IFT88: variants seen among roughly 807,000 people sequenced by gnomAD.
IFT88 encodes intraflagellar transport 88.
A neutral mutation model predicts 119.5 loss-of-function variants in IFT88; 74 were observed. The ratio of observed to expected loss-of-function variants is 0.62; its 90% CI spans 0.51 to 0.75. The LOEUF (loss-of-function observed/expected upper bound fraction) is 0.75. Among genes scored for constraint, IFT88 ranks in the 30% least tolerant of loss-of-function variants. The pLI, the probability that IFT88 is intolerant of heterozygous loss-of-function variation, is 0.00. For missense variants in IFT88, 961 were observed against 977.7 expected (o/e 0.98, Z 0.23); for synonymous variants, 279 against 316.7 (o/e 0.88, Z 1.26).
At chr13:20,624,326 G>T (rs2497483) in intron 14 of IFT88, among the ~76,000 whole-genome samples, 138,060 of 152,110 alleles carry the variant, frequency 0.91, 62,808 homozygotes, top group East Asian at 1. Context: ...GCATGGAGCT[G>T]CCATTTCCTC....
In IFT88 at chr13:20,623,516, C is replaced by G. The variant is rs917822991; in HGVS notation, c.1200-2234C>G. 1.6e-4 allele frequency among the ~76,000 whole-genome samples: 24 copies of G among 152,238 alleles called. No individual in the cohort carries two copies. In the East Asian group the frequency reaches 4.6e-3, roughly 29 times the overall value. Reference sequence around the variant, plus strand: ...TTGAGATGGAGTTTTGCTCTGTCGCCCAGGCTGGAGTGAAGTGTCGTGATC... The same window carrying G: ...TTGAGATGGAGTTTTGCTCTGTCGCGCAGGCTGGAGTGAAGTGTCGTGATC... On this transcript the variant is annotated intron_variant, in intron 14 of 25. Coordinates refer to ENST00000351808, the MANE Select transcript of IFT88 (RefSeq NM_006531.5).
intron 24 of IFT88, among the ~76,000 whole-genome samples, chr13:20,678,619 AAACCAACAACTTCTAGCAGTGTG>A (rs1238505957): frequency 2.6e-5 from 4 of 152,198 alleles, no homozygotes; most frequent in East Asian, 1.9e-4. Context: ...CTGCTCCAGT[AAACCAACAACTTCTAGCAGTGTG>A]AACCAACAAC....
chr13:20,640,481 G>A lies in IFT88; in HGVS notation c.1574-809G>A, dbSNP rs2049736066. Among the ~76,000 whole-genome samples, 5 of 152,098 alleles carry A rather than the reference G, an allele frequency of 3.3e-5. No homozygotes were observed. In the East Asian group the frequency reaches 7.8e-4, roughly 24 times the overall value. The stretch of plus-strand genomic sequence containing the variant: ...CCAGCTACTCAGGAGGCTGAGGCAG[G>A]AGAATGGCATGAACCCAGGAGGCGG... On this transcript the variant is annotated intron_variant, in intron 17 of 25. Coordinates refer to ENST00000351808, the MANE Select transcript of IFT88 (RefSeq NM_006531.5).
chr13:20,688,566 G>A (rs182062086), intron 24 of IFT88, among the ~76,000 whole-genome samples: 391 of 152,284 alleles, frequency 2.6e-3, no homozygotes, highest in Non-Finnish European at 4.2e-3. Flanking sequence ...GTGCCTACAA[G>A]AAATAAACTT....
intron 22 of IFT88, among the ~76,000 whole-genome samples, chr13:20,659,320 C>T (rs1347137440): frequency 1.3e-5 from 2 of 152,092 alleles, no homozygotes; most frequent in Non-Finnish European, 2.9e-5. Flanking sequence ...ATGGCAAGAC[C>T]TCAACTCTTC....
At chr13:20,593,651 C>A (rs1429175078) in intron 7 of IFT88, among the ~76,000 whole-genome samples, 1 of 151,546 alleles carries the variant, frequency 6.6e-6, no homozygotes, top group Non-Finnish European at 1.5e-5. Flanking sequence ...TATTTTTTAT[C>A]TTAATTAATG....
rs1415494966 is a variant in IFT88, at chr13:20,579,503, T to G, written c.91-3454T>G. Among the ~76,000 whole-genome samples, 4 of 151,982 alleles carry G rather than the reference T, an allele frequency of 2.6e-5. No homozygotes were observed. The East Asian group carries it at 7.7e-4, about 29-fold the overall frequency. On this transcript the variant is annotated intron_variant, in intron 2 of 25. Coordinates refer to ENST00000351808, the MANE Select transcript of IFT88 (RefSeq NM_006531.5). The stretch of plus-strand genomic sequence containing the variant: ...AAGGCCCAAGGGCTATTCCTTCAGG[T>G]TTTGGTGAATTCTGCCAGGCCTGGG...
intron 14 of IFT88, among the ~76,000 whole-genome samples, chr13:20,618,289 G>C (rs957992918): frequency 1.3e-5 from 2 of 152,184 alleles, no homozygotes; most frequent in Non-Finnish European, 2.9e-5. Flanking sequence ...TGTTAAAAGT[G>C]CGGATAATCT....
At chr13:20,595,567 G>C (rs1249564101) in intron 7 of IFT88, among the ~76,000 whole-genome samples, 1 of 151,922 alleles carries the variant, frequency 6.6e-6, no homozygotes, top group Non-Finnish European at 1.5e-5. Context: ...TGGGATTACA[G>C]GCAGGAGCCA....
At chr13:20,627,208 A>G (rs150977544) in intron 15 of IFT88, among the ~76,000 whole-genome samples, 19 of 152,334 alleles carry the variant, frequency 1.2e-4, no homozygotes, top group Admixed American at 2.6e-4. Flanking sequence ...CTGTCATTTA[A>G]TCATCACATC....
At chr13:20,607,160 G>T (rs560480180) in intron 13 of IFT88, 42 of 403,044 alleles carry the variant, frequency 1.0e-4, no homozygotes, top group South Asian at 7.9e-4. Flanking sequence ...GGTACTGTAC[G>T]TGGGGCTCCT....
chr13:20,621,366 C>T (rs913190619), intron 14 of IFT88, among the ~76,000 whole-genome samples: 3 of 151,906 alleles, frequency 2.0e-5, no homozygotes, highest in South Asian at 4.2e-4. Flanking sequence ...CATGCCCGGC[C>T]GAGTTTATGG....
intron 24 of IFT88, among the ~76,000 whole-genome samples, chr13:20,688,190 C>G (rs533227370): frequency 6.6e-6 from 1 of 151,990 alleles, no homozygotes; most frequent in Non-Finnish European, 1.5e-5. Context: ...ACAACAACAA[C>G]AAAAAAATTA....
In IFT88 at chr13:20,591,660, T is replaced by G. The variant is rs760740841; in HGVS notation, c.307T>G (p.Phe103Val). ...RPMTAVRAAG[F>V]TKAALRGSAF... The stretch of plus-strand genomic sequence containing the variant: ...CATGACAGCAGTGAGAGCAGCTGGT[T>G]TTACCAAAGCAGCTTTGAGAGGTTT... The change falls in exon 6 of 26, where the codon TTT becomes GTT. Residue 103 changes from phenylalanine (F) to valine (V), a missense_variant. By Grantham distance (50) the Phe-to-Val change is conservative (BLOSUM62 -1). Transcript: ENST00000351808. 6.2e-7 allele frequency: 1 copy of G among 1,612,636 alleles called. No homozygotes were observed. The highest frequency in any genetic ancestry group is 8.5e-7 in the Non-Finnish European group (1 of 1,178,908).
chr13:20,616,797 C>T (rs1269487223), intron 14 of IFT88, among the ~76,000 whole-genome samples: 2 of 152,194 alleles, frequency 1.3e-5, no homozygotes, highest in Admixed American at 6.5e-5. Context: ...TTTACACCAA[C>T]ATCACCACAA....
chr13:20,675,669 T>C (rs1343674556), intron 24 of IFT88, among the ~76,000 whole-genome samples: 2 of 152,240 alleles, frequency 1.3e-5, no homozygotes, highest in Non-Finnish European at 2.9e-5. Flanking sequence ...TCCACTCTGC[T>C]GTTGTGTATT....
chr13:20,656,790 A>G (rs1026543908), intron 22 of IFT88, among the ~76,000 whole-genome samples: 2 of 152,218 alleles, frequency 1.3e-5, no homozygotes, highest in Non-Finnish European at 2.9e-5. Flanking sequence ...TTAGTAAACA[A>G]CTTCTAAAGG....
At chr13:20,582,757 T>C (rs909050795) in intron 2 of IFT88, among the ~76,000 whole-genome samples, 200 bp from the exon 3 acceptor site, 1 of 152,170 alleles carries the variant, frequency 6.6e-6, no homozygotes, top group Admixed American at 6.5e-5. Flanking sequence ...ACATGACCGG[T>C]ACTCCTCATT....
At chr13:20,638,549 A>T (rs373021202) in intron 17 of IFT88, 31 bp downstream of exon 17, 111 of 1,332,656 alleles carry the variant, frequency 8.3e-5, no homozygotes, top group Non-Finnish European at 1.1e-4. Flanking sequence ...TTGCTTTTTA[A>T]ATTATTTATT....
Sources: gnomAD v4.1 joint callset for allele counts (sites outside exome capture counted in the v4.1 genomes callset) on GRCh38, gnomAD v4.1.1 for gene constraint, MANE v1.5 for transcripts, NCBI Gene and HGNC (gene_info 2026-07-23, HGNC 2026-07-21) for gene names.